LRBA: variants seen among roughly 807,000 people sequenced by gnomAD.
LRBA encodes the protein lipopolysaccharide-responsive and beige-like anchor protein.
In LRBA, 176 loss-of-function variants were observed where a neutral mutation model predicts 330.0. The ratio of observed to expected loss-of-function variants is 0.53; its 90% confidence interval spans 0.47 to 0.60. The LOEUF (loss-of-function observed/expected upper bound fraction) is 0.60, where lower values mean the gene tolerates loss of function less well. Ranked by LOEUF, LRBA falls within the 20% of genes least tolerant of loss-of-function variation. LRBA has a pLI of 0.00. For synonymous variants in LRBA, 1,230 were observed against 1,193.0 expected (o/e 1.03, Z -0.64); for missense variants, 3,259 against 3,444.8 (o/e 0.95, Z 1.35).
At chr4:150,355,209 G>A (rs1737678647) in intron 47 of LRBA, among the ~76,000 whole-genome samples, 1 of 151,980 alleles carries the variant, frequency 6.6e-6, no homozygotes, top group Admixed American at 6.6e-5. Flanking sequence ...ACATGCATTA[G>A]TGATACACTA....
At chr4:150,972,397 T>C (rs1739679876) in intron 2 of LRBA, among the ~76,000 whole-genome samples, 1 of 152,016 alleles carries the variant, frequency 6.6e-6, no homozygotes, top group African/African-American at 2.4e-5. Flanking sequence ...AATAAAATAG[T>C]ACTTAACAAG....
In LRBA at chr4:150,559,927, AAT is replaced by A. The variant is rs1306315263; in HGVS notation, c.6330+28119_6330+28120del. Among the ~76,000 whole-genome samples the A allele has an allele frequency of 2.7e-3, 253 of 95,208 alleles. 1 individual carries two copies. Among genetic ancestry groups the A allele is most frequent in the South Asian group, 3.7e-3 (14 of 3,788 alleles). 62.5% of individuals were successfully genotyped at this position (95,208 alleles called of 152,430 possible). ...TAATTATATATAATATATAAATATA[AAT>A]ATATATATATCTATATAAATATATA... On this transcript the variant is annotated intron_variant, in intron 40 of 56. Transcript: ENST00000651943.
chr4:150,570,980 G>T (rs548591323), intron 40 of LRBA, among the ~76,000 whole-genome samples: 2 of 152,100 alleles, frequency 1.3e-5, no homozygotes, highest in African/African-American at 4.8e-5. Context: ...TATTACTGAG[G>T]CCTCTCCCTC....
chr4:150,552,480 TAA>T (rs1367583207), intron 40 of LRBA, among the ~76,000 whole-genome samples: 2 of 152,110 alleles, frequency 1.3e-5, no homozygotes, highest in Admixed American at 1.3e-4. Context: ...TGGCAATCAT[TAA>T]AAAGTCAGGA....
chr4:150,576,109 G>A (rs1253690908), intron 40 of LRBA, among the ~76,000 whole-genome samples: 1 of 149,916 alleles, frequency 6.7e-6, no homozygotes, highest in Non-Finnish European at 1.5e-5. Flanking sequence ...AAGTTATTTG[G>A]CAGGTAAAAT....
intron 39 of LRBA, 90 bp downstream of exon 39, chr4:150,590,623 T>G: frequency 9.1e-7 from 1 of 1,103,566 alleles, no homozygotes; most frequent in Non-Finnish European, 1.3e-6. Context: ...ATAAACTTGG[T>G]AGTCCTAGTG....
intron 5 of LRBA, among the ~76,000 whole-genome samples, chr4:150,918,486 C>G (rs1483531891): frequency 5.9e-5 from 9 of 152,172 alleles, no homozygotes; most frequent in African/African-American, 2.2e-4. Context: ...CGGTGGCTCA[C>G]GCCTATAATC....
intron 33 of LRBA, among the ~76,000 whole-genome samples, chr4:150,798,359 A>G (rs985730980): frequency 6.6e-6 from 1 of 152,220 alleles, no homozygotes; most frequent in Non-Finnish European, 1.5e-5. Flanking sequence ...TCAAAATACT[A>G]AAACATTTAT....
At chr4:150,338,553 C>T (rs187194933) in intron 48 of LRBA, among the ~76,000 whole-genome samples, 2 of 152,240 alleles carry the variant, frequency 1.3e-5, no homozygotes, top group Admixed American at 1.3e-4. Context: ...CCAAGATCTG[C>T]CCTGGTGTCC....
intron 29 of LRBA, among the ~76,000 whole-genome samples, chr4:150,829,110 T>C (rs1746770974): frequency 1.3e-5 from 2 of 151,982 alleles, no homozygotes; most frequent in South Asian, 4.2e-4. Context: ...AATTTTTCTA[T>C]TTTTTTGTAG....
intron 36 of LRBA, chr4:150,721,095 G>A (rs1728869492): frequency 3.4e-6 from 2 of 587,816 alleles, no homozygotes; most frequent in Non-Finnish European, 6.7e-6. Context: ...TCATACAGCA[G>A]ATGTCCAGTT....
At chr4:150,416,243 G>A (rs1747722688) in intron 46 of LRBA, among the ~76,000 whole-genome samples, 1 of 152,224 alleles carries the variant, frequency 6.6e-6, no homozygotes, top group South Asian at 2.1e-4. Flanking sequence ...CCTTTTGTGT[G>A]TAATAAACCC....
chr4:150,648,374 A>G (rs966111902), intron 37 of LRBA, among the ~76,000 whole-genome samples: 1 of 151,904 alleles, frequency 6.6e-6, no homozygotes, highest in Non-Finnish European at 1.5e-5. Context: ...GAGGCCGCAG[A>G]AAGTTCAAGA....
chr4:150,742,482 G>A (rs557361960), intron 35 of LRBA, among the ~76,000 whole-genome samples: 1 of 152,118 alleles, frequency 6.6e-6, no homozygotes, highest in African/African-American at 2.4e-5. Flanking sequence ...AACAAAAGTG[G>A]CTAAACTGCC....
intron 44 of LRBA, among the ~76,000 whole-genome samples, chr4:150,446,934 AT>A (rs1489407819): frequency 6.6e-6 from 1 of 152,146 alleles, no homozygotes; most frequent in Non-Finnish European, 1.5e-5. Context: ...TATCTGATCT[AT>A]ATGGTGGGGG....
At chr4:150,882,216 C>G (rs1342721050) in intron 17 of LRBA, among the ~76,000 whole-genome samples, 2 of 151,956 alleles carry the variant, frequency 1.3e-5, no homozygotes, top group African/African-American at 2.4e-5. Context: ...TTCTATGAAC[C>G]TAATAGTTAT....
At chr4:150,784,771 C>T (rs1302611399) in intron 34 of LRBA, among the ~76,000 whole-genome samples, 2 of 152,100 alleles carry the variant, frequency 1.3e-5, no homozygotes, top group African/African-American at 2.4e-5. Context: ...AACCACTCCA[C>T]GTGTGTCAGT....
intron 31 of LRBA, among the ~76,000 whole-genome samples, chr4:150,812,016 G>A (rs373026131): frequency 8.0e-4 from 121 of 151,850 alleles, no homozygotes; most frequent in African/African-American, 1.7e-3. Flanking sequence ...TTACCAACAC[G>A]GATAATAAAT....
chr4:150,509,919 T>C (rs925606812), intron 40 of LRBA, among the ~76,000 whole-genome samples: 1 of 152,164 alleles, frequency 6.6e-6, no homozygotes, highest in Non-Finnish European at 1.5e-5. Flanking sequence ...GGCAGATTAC[T>C]TGAAGTCTGG....
Sources: gnomAD v4.1 joint callset for allele counts (sites outside exome capture counted in the v4.1 genomes callset) on GRCh38, gnomAD v4.1.1 for gene constraint, MANE v1.5 for transcripts, NCBI Gene and HGNC (gene_info 2026-07-23, HGNC 2026-07-21) for gene names.